CTNNBL1: variants seen among roughly 807,000 people sequenced by gnomAD.
CTNNBL1 encodes beta-catenin-like protein 1.
In CTNNBL1, 31 loss-of-function variants were observed where a neutral mutation model predicts 72.7. That is an observed-to-expected ratio of 0.43 (90% CI 0.32 to 0.58). The LOEUF is 0.58. Ranked by LOEUF, CTNNBL1 falls within the 20% of genes least tolerant of loss-of-function variation. The probability of loss-of-function intolerance (pLI) is 0.08; values close to 1 mark genes in which losing one functional copy is unlikely to be tolerated. For synonymous variants in CTNNBL1, 240 were observed against 267.3 expected, an observed-to-expected ratio of 0.90 and a Z score of 1.00; for missense variants, 534 against 725.1, an observed-to-expected ratio of 0.74 and a Z score of 3.03.
chr20:37,702,623 A>G (rs1453346305), intron 1 of CTNNBL1, among the ~76,000 whole-genome samples: 1 of 152,214 alleles, frequency 6.6e-6, no homozygotes, highest in Non-Finnish European at 1.5e-5. Context: ...ATTCTCATTG[A>G]TAACATTTCA....
chr20:37,703,292 AT>A, intron 1 of CTNNBL1, among the ~76,000 whole-genome samples: 1 of 152,202 alleles, frequency 6.6e-6, no homozygotes, highest in Admixed American at 6.5e-5. Flanking sequence ...ATGTCTGGTC[AT>A]TTTTCTGTTC....
chr20:37,707,242 GAGGCC>G, intron 1 of CTNNBL1, among the ~76,000 whole-genome samples: 2 of 152,310 alleles, frequency 1.3e-5, no homozygotes, highest in Middle Eastern at 6.8e-3. Context: ...TTGAAGCTTT[GAGGCC>G]AGGCATTGAC....
chr20:37,700,436 G>C (rs540740270), intron 1 of CTNNBL1, among the ~76,000 whole-genome samples: 6 of 152,250 alleles, frequency 3.9e-5, no homozygotes, highest in Non-Finnish European at 7.4e-5. Flanking sequence ...GCTGAGATTG[G>C]TTCTTCTACA....
At chr20:37,760,942 G>A (rs2073411706) in intron 5 of CTNNBL1, among the ~76,000 whole-genome samples, 1 of 151,776 alleles carries the variant, frequency 6.6e-6, no homozygotes, top group Non-Finnish European at 1.5e-5. Context: ...ACCACATTTG[G>A]ATGGGGTGGG....
chr20:37,847,920 G>C (rs558235338), intron 13 of CTNNBL1: 13 of 152,900 alleles, frequency 8.5e-5, no homozygotes, highest in East Asian at 3.9e-4. Context: ...GTCTTAAACA[G>C]ATTTTGTCCT....
intron 15 of CTNNBL1, among the ~76,000 whole-genome samples, chr20:37,867,373 G>C (rs1344293941): frequency 6.6e-6 from 1 of 152,128 alleles, no homozygotes; most frequent in Admixed American, 6.6e-5. Flanking sequence ...CTCCGCCCTG[G>C]AAGACGACTT....
At chr20:37,860,574 G>A (rs894441011) in intron 15 of CTNNBL1, among the ~76,000 whole-genome samples, 5 of 152,114 alleles carry the variant, frequency 3.3e-5, no homozygotes, top group African/African-American at 1.2e-4. Flanking sequence ...CCATAAACAA[G>A]AGGCACAAAG....
intron 10 of CTNNBL1, among the ~76,000 whole-genome samples, chr20:37,801,709 C>T (rs2073824836): frequency 6.6e-6 from 1 of 152,152 alleles, no homozygotes; most frequent in South Asian, 2.1e-4. Context: ...ACTTCTTCAA[C>T]CATTGATAAA....
Position 37,757,543 on chromosome 20 carries a change from C to G in CTNNBL1, c.467-16C>G. ...TACCGTTTCAGTATGTGTGTTATAC[C>G]CTTAACATTTTTCACATGTGTCCAT... On this transcript the variant is annotated splice_polypyrimidine_tract_variant and intron_variant, in intron 4 of 15. Coordinates refer to ENST00000361383, the MANE Select transcript of CTNNBL1 (RefSeq NM_030877.5). 1 of 1,586,664 alleles carries G rather than the reference C, an allele frequency of 6.3e-7. No individual in the cohort carries two copies. Among genetic ancestry groups the G allele is most frequent in the Non-Finnish European group, 8.7e-7 (1 of 1,155,890 alleles).
At chr20:37,871,394 G>C (rs2072583348) in intron 15 of CTNNBL1, among the ~76,000 whole-genome samples, 2 of 152,134 alleles carry the variant, frequency 1.3e-5, no homozygotes, top group Non-Finnish European at 2.9e-5. Context: ...GGGTCCAAGA[G>C]CACTGCCCCA....
At chr20:37,756,158 C>T (rs2073361097) in intron 4 of CTNNBL1, 1 of 152,268 alleles carries the variant, frequency 6.6e-6, no homozygotes, top group Non-Finnish European at 1.5e-5. Context: ...CCAGCTCCAT[C>T]TGATTGCTCC....
chr20:37,870,661 A>G (rs1216669072), intron 15 of CTNNBL1, among the ~76,000 whole-genome samples: 1 of 151,826 alleles, frequency 6.6e-6, no homozygotes, highest in Non-Finnish European at 1.5e-5. Flanking sequence ...TGCTTCCCCC[A>G]TGGTGTCCCC....
chr20:37,735,523 C>T (rs965067872), intron 2 of CTNNBL1, among the ~76,000 whole-genome samples: 10 of 152,164 alleles, frequency 6.6e-5, no homozygotes, highest in Non-Finnish European at 1.3e-4. Context: ...AACATTGTCC[C>T]ATGGCTAGTA....
At chr20:37,795,904 A>AT (rs10602071) in intron 10 of CTNNBL1, among the ~76,000 whole-genome samples, 71 of 138,474 alleles carry the variant, frequency 5.1e-4, no homozygotes, top group East Asian at 1.6e-3. Flanking sequence ...TAGATGTTGA[A>AT]TTTTTTTTTT....
At chr20:37,791,549 G>A (rs1314926346) in intron 10 of CTNNBL1, among the ~76,000 whole-genome samples, 2 of 152,116 alleles carry the variant, frequency 1.3e-5, no homozygotes, top group African/African-American at 4.8e-5. Context: ...TTGGGGGTAA[G>A]GGGTTATTTG....
intron 1 of CTNNBL1, among the ~76,000 whole-genome samples, chr20:37,720,926 C>T (rs1376186313): frequency 6.6e-6 from 1 of 152,162 alleles, no homozygotes; most frequent in Non-Finnish European, 1.5e-5. Flanking sequence ...TGGGAGAGAT[C>T]TGATACAGTG....
intron 1 of CTNNBL1, among the ~76,000 whole-genome samples, chr20:37,712,726 A>G (rs1469527409): frequency 1.3e-5 from 2 of 152,264 alleles, no homozygotes; most frequent in East Asian, 3.8e-4. Context: ...GAGTTCTGCC[A>G]TCAGACTTGT....
chr20:37,805,431 C>T lies in CTNNBL1; in HGVS notation c.1213+2383C>T, dbSNP rs570827587. Among the ~76,000 whole-genome samples the T allele has an allele frequency of 1.0e-3, 141 of 134,412 alleles. 2 individuals carry two copies. The South Asian group carries it at 0.031, about 30-fold the overall frequency. The allele number at this position is 134,412 out of a possible 152,430, so 88.2% of individuals were successfully genotyped here. On this transcript the variant is annotated intron_variant, in intron 11 of 15. Transcript: ENST00000361383. ...TTCCTTTTTTTTTTTTTTCCCTGGC[C>T]TGTTGCCCAGGCTAGAGTGCAGTGA... is the stretch of plus-strand genomic sequence containing the variant.
rs6125976 is a variant in CTNNBL1, at chr20:37,717,533, G to A, written c.31-15346G>A. On this transcript the variant is annotated intron_variant, in intron 1 of 15. Transcript: ENST00000361383. ...AATTTGTTATTTAAAGGTTCAGAGT[G>A]GACTGGTGTCAATGGCAGGTGACCC... is the stretch of plus-strand genomic sequence containing the variant. Among the ~76,000 whole-genome samples the A allele has an allele frequency of 2.8e-3, 428 of 152,132 alleles. 5 individuals carry two copies. The highest frequency in any genetic ancestry group is 0.017 in the East Asian group (88 of 5,186).
Sources: gnomAD v4.1 joint callset for allele counts (sites outside exome capture counted in the v4.1 genomes callset) on GRCh38, gnomAD v4.1.1 for gene constraint, MANE v1.5 for transcripts, NCBI Gene and HGNC (gene_info 2026-07-23, HGNC 2026-07-21) for gene names.